The following SCN11A variants were observed in gnomAD, a reference collection of about 807,000 sequenced individuals.
SCN11A encodes the protein sodium channel protein type 11 subunit alpha.
Under a neutral mutation model 162.2 loss-of-function variants are expected in SCN11A, and 122 were observed. That is an observed-to-expected ratio of 0.75 (90% CI 0.65 to 0.87). The LOEUF (loss-of-function observed/expected upper bound fraction) is 0.87, where lower values mean the gene tolerates loss of function less well. Among genes scored for constraint, SCN11A ranks in the 40% least tolerant of loss-of-function variants. The pLI is 0.00. For synonymous variants in SCN11A, 758 were observed against 751.5 expected (o/e 1.01, Z -0.14); for missense variants, 2,015 against 2,181.6 (o/e 0.92, Z 1.52).
intron 1 of SCN11A, among the ~76,000 whole-genome samples, chr3:39,044,113 T>C (rs927535468): frequency 2.6e-5 from 4 of 152,188 alleles, no homozygotes; most frequent in African/African-American, 9.6e-5. Flanking sequence ...AATGTCATTA[T>C]ATAATAATAA....
At chr3:38,852,726 A>C (rs1245122248) in intron 28 of SCN11A, among the ~76,000 whole-genome samples, 1 of 151,438 alleles carries the variant, frequency 6.6e-6, no homozygotes, top group Admixed American at 6.6e-5. Context: ...CGAGGGTCAA[A>C]AGCTAATATT....
chr3:39,039,844 A>T (rs1279206695), intron 1 of SCN11A, among the ~76,000 whole-genome samples: 3 of 151,816 alleles, frequency 2.0e-5, no homozygotes, highest in Non-Finnish European at 4.4e-5. Flanking sequence ...TGTACCTGAA[A>T]CAGTTCCCAG....
intron 7 of SCN11A, among the ~76,000 whole-genome samples, chr3:38,942,165 G>A (rs1383915719): frequency 2.0e-5 from 3 of 152,046 alleles, no homozygotes; most frequent in Admixed American, 6.6e-5. Context: ...AATAATCATC[G>A]TAAATATGTA....
chr3:39,010,679 G>A (rs949391568), intron 2 of SCN11A, among the ~76,000 whole-genome samples: 1 of 152,050 alleles, frequency 6.6e-6, no homozygotes, highest in Non-Finnish European at 1.5e-5. Context: ...CTCCCAGCCC[G>A]TGAGCCACCC....
intron 8 of SCN11A, among the ~76,000 whole-genome samples, chr3:38,926,039 GA>G (rs1227415269): frequency 6.6e-6 from 1 of 152,288 alleles, no homozygotes; most frequent in African/African-American, 2.4e-5. Flanking sequence ...TATTAAATAG[GA>G]AAAAATATGC....
chr3:38,985,420 G>A (rs1228185296), intron 2 of SCN11A, among the ~76,000 whole-genome samples: 23 of 150,778 alleles, frequency 1.5e-4, no homozygotes, highest in African/African-American at 5.2e-4. Context: ...GTGAGCCACC[G>A]CACCCGGCCT....
intron 2 of SCN11A, among the ~76,000 whole-genome samples, chr3:39,009,384 A>C (rs2031064988): frequency 1.3e-5 from 2 of 151,696 alleles, no homozygotes; most frequent in Non-Finnish European, 2.9e-5. Context: ...CTCATGCAAA[A>C]ATAAAAAGTG....
chr3:38,862,932 CA>C (rs2064987281), intron 28 of SCN11A, among the ~76,000 whole-genome samples: 1 of 152,038 alleles, frequency 6.6e-6, no homozygotes, highest in South Asian at 2.1e-4. Flanking sequence ...TCAAACAAAC[CA>C]CTAAGTTCAC....
chr3:38,915,927 T>C (rs2065954409), intron 11 of SCN11A, among the ~76,000 whole-genome samples: 1 of 152,180 alleles, frequency 6.6e-6, no homozygotes, highest in African/African-American at 2.4e-5. Context: ...TATTATTGTG[T>C]GGGAGTCTAA....
intron 2 of SCN11A, among the ~76,000 whole-genome samples, chr3:39,029,470 G>T (rs560923374): frequency 6.6e-6 from 1 of 152,154 alleles, no homozygotes; most frequent in South Asian, 2.1e-4. Context: ...TGTATTATTA[G>T]GGAAATTGGC....
intron 28 of SCN11A, among the ~76,000 whole-genome samples, chr3:38,859,295 A>G (rs2064923934): frequency 6.6e-6 from 1 of 152,040 alleles, no homozygotes; most frequent in Non-Finnish European, 1.5e-5. Context: ...CAAGAAAAGA[A>G]GAGAGATCAA....
At chr3:38,925,864 C>T (rs1429005262) in intron 8 of SCN11A, among the ~76,000 whole-genome samples, 1 of 152,220 alleles carries the variant, frequency 6.6e-6, no homozygotes, top group East Asian at 1.9e-4. Flanking sequence ...AGTCTCCTGC[C>T]ACTACATGGT....
intron 2 of SCN11A, among the ~76,000 whole-genome samples, chr3:38,997,768 T>C (rs1195209319): frequency 1.3e-5 from 2 of 152,228 alleles, no homozygotes; most frequent in East Asian, 3.8e-4. Flanking sequence ...TAATTTTCCA[T>C]CTCCAAAGAT....
intron 2 of SCN11A, among the ~76,000 whole-genome samples, chr3:38,975,940 C>T (rs565364674): frequency 2.0e-5 from 3 of 152,214 alleles, no homozygotes; most frequent in African/African-American, 7.2e-5. Context: ...TTGAATGGTA[C>T]ACTTTAAAAT....
rs755584487 is a variant in SCN11A, at chr3:38,894,639, C to G, written c.2729G>C (p.Arg910Thr). Residue 910 changes from arginine (R) to threonine (T), a missense_variant, in exon 19 of 30, where the codon AGG (arginine) becomes ACG (threonine). Coordinates refer to ENST00000302328, the MANE Select transcript of SCN11A (RefSeq NM_001349253.2). ...TGGTGCCAACCAAGTCCAATCATGC[C>G]TGACGCCCAGGGTCTTTGGTACAGA... Reference protein sequence around the residue: ...LTSVPKTLGVRHDWTWLAPLA... With the variant: ...LTSVPKTLGVTHDWTWLAPLA... 8.1e-6 allele frequency: 13 copies of G among 1,614,056 alleles called. No individual in the cohort carries two copies. In the Admixed American group the frequency reaches 2.0e-4, roughly 25 times the overall value.
chr3:38,894,695 T>G lies in SCN11A; in HGVS notation c.2673A>C (p.Ser891=). The G allele has an allele frequency of 6.2e-7, 1 of 1,614,212 alleles. No homozygotes were observed. The highest frequency in any genetic ancestry group is 1.3e-5 in the African/African-American group (1 of 75,068). The change falls in exon 19 of 30, where the codon TCA becomes TCC. Residue 891 remains serine, a synonymous_variant. Coordinates refer to ENST00000302328, the MANE Select transcript of SCN11A (RefSeq NM_001349253.2). ...IPLVMEMKRG[S]ETQEELGILT... ...GTATACCAAGCTCCTCCTGGGTCTC[T>G]GAGCCCCTTTTCATCTCCATGACCA...
chr3:39,001,643 G>A (rs985291971), intron 2 of SCN11A, among the ~76,000 whole-genome samples: 10 of 151,956 alleles, frequency 6.6e-5, no homozygotes, highest in African/African-American at 2.4e-4. Flanking sequence ...TGTGTATGGC[G>A]TGAAGTAGGG....
intron 28 of SCN11A, among the ~76,000 whole-genome samples, chr3:38,851,934 T>G (rs545701520): frequency 1.3e-5 from 2 of 152,234 alleles, no homozygotes; most frequent in South Asian, 2.1e-4. Context: ...GAATATAGTT[T>G]CCGGTTGATA....
At chr3:39,002,856 T>C (rs113042205) in intron 2 of SCN11A, among the ~76,000 whole-genome samples, 5 of 152,218 alleles carry the variant, frequency 3.3e-5, no homozygotes, top group African/African-American at 9.6e-5. Context: ...AGGAGACCCA[T>C]GGAGTCAAGC....
Sources: gnomAD v4.1 joint callset for allele counts (sites outside exome capture counted in the v4.1 genomes callset) on GRCh38, gnomAD v4.1.1 for gene constraint, MANE v1.5 for transcripts, NCBI Gene and HGNC (gene_info 2026-07-23, HGNC 2026-07-21) for gene names.